Variants in NLGN1 observed in about 807,000 individuals in gnomAD.
NLGN1 encodes neuroligin 1, also known as neuroligin-1.
In NLGN1, 12 loss-of-function variants were observed where a neutral mutation model predicts 65.5. The observed-to-expected ratio is 0.18, with a 90% CI of 0.12 to 0.30. The LOEUF (loss-of-function observed/expected upper bound fraction) is 0.30, where lower values mean the gene tolerates loss of function less well. Ranked by LOEUF, NLGN1 falls within the 10% of genes least tolerant of loss-of-function variation. The pLI, the probability that NLGN1 is intolerant of heterozygous loss-of-function variation, is 1.00. For missense variants in NLGN1, 750 were observed against 1,007.1 expected (o/e 0.74, Z 3.46); for synonymous variants, 350 against 359.5 (o/e 0.97, Z 0.30).
At chr3:174,020,532 C>T (rs934024900) in intron 4 of NLGN1, among the ~76,000 whole-genome samples, 3 of 151,976 alleles carry the variant, frequency 2.0e-5, no homozygotes, top group African/African-American at 7.3e-5. Flanking sequence ...GTACTACTCT[C>T]CTTAAAAAGA....
chr3:173,727,718 A>G (rs2150037254), intron 3 of NLGN1, among the ~76,000 whole-genome samples: 1 of 152,294 alleles, frequency 6.6e-6, no homozygotes, highest in African/African-American at 2.4e-5. Context: ...GGAAGGAAAC[A>G]TTCTGGCTCC....
intron 4 of NLGN1, among the ~76,000 whole-genome samples, chr3:173,850,295 C>T (rs1166784039): frequency 6.6e-6 from 1 of 152,094 alleles, no homozygotes; most frequent in African/African-American, 2.4e-5. Context: ...AACAGGACAT[C>T]TCTTTATGGT....
intron 4 of NLGN1, among the ~76,000 whole-genome samples, chr3:174,168,912 A>G (rs1728034289): frequency 1.3e-5 from 2 of 152,168 alleles, no homozygotes; most frequent in Admixed American, 6.5e-5. Context: ...GGGGTGGTCT[A>G]AACTCCTAAT....
chr3:173,894,118 A>G (rs761690784), intron 4 of NLGN1, among the ~76,000 whole-genome samples: 3 of 152,134 alleles, frequency 2.0e-5, no homozygotes, highest in Non-Finnish European at 4.4e-5. Flanking sequence ...TGGGCTTGGT[A>G]TTGACTTCCA....
intron 3 of NLGN1, among the ~76,000 whole-genome samples, chr3:173,802,508 A>G (rs1311294002): frequency 6.6e-6 from 1 of 152,238 alleles, no homozygotes; most frequent in Non-Finnish European, 1.5e-5. Context: ...CTACAGGGGA[A>G]AAGAAACCTT....
At chr3:173,550,413 C>G (rs1740640566) in intron 2 of NLGN1, among the ~76,000 whole-genome samples, 1 of 151,954 alleles carries the variant, frequency 6.6e-6, no homozygotes, top group African/African-American at 2.4e-5. Flanking sequence ...CCAATCTTCA[C>G]AAAGAACTCA....
chr3:173,463,217 T>C (rs1316140398), intron 2 of NLGN1, among the ~76,000 whole-genome samples: 1 of 152,238 alleles, frequency 6.6e-6, no homozygotes, highest in Admixed American at 6.5e-5. Context: ...TTAACTATTC[T>C]GAATAATTCA....
At chr3:173,483,674 G>T (rs958378235) in intron 2 of NLGN1, among the ~76,000 whole-genome samples, 1 of 151,928 alleles carries the variant, frequency 6.6e-6, no homozygotes, top group African/African-American at 2.4e-5. Context: ...TCCACTTGGA[G>T]AAAAAAGATT....
intron 1 of NLGN1, among the ~76,000 whole-genome samples, chr3:173,427,829 T>C (rs1247182966): frequency 6.6e-6 from 1 of 151,644 alleles, no homozygotes; most frequent in Non-Finnish European, 1.5e-5. Context: ...TTAAGTCTTT[T>C]TGGTCTGGAA....
At chr3:173,678,513 G>A (rs55768757) in intron 3 of NLGN1, among the ~76,000 whole-genome samples, 21,091 of 151,974 alleles carry the variant, frequency 0.14, 1,900 homozygotes, top group South Asian at 0.22. Flanking sequence ...ATTAACAGGT[G>A]GAAAGAGGAT....
intron 3 of NLGN1, among the ~76,000 whole-genome samples, chr3:173,685,460 A>T (rs1764548319): frequency 6.6e-6 from 1 of 152,208 alleles, no homozygotes; most frequent in South Asian, 2.1e-4. Context: ...TGCTCCCATG[A>T]TTCCTACTTA....
intron 2 of NLGN1, among the ~76,000 whole-genome samples, chr3:173,463,300 G>T (rs1723712795): frequency 6.6e-6 from 1 of 152,126 alleles, no homozygotes; most frequent in South Asian, 2.1e-4. Flanking sequence ...TAAACAACCT[G>T]AAAACAAATC....
intron 4 of NLGN1, among the ~76,000 whole-genome samples, chr3:173,998,741 G>A (rs1353549658): frequency 6.6e-6 from 1 of 152,132 alleles, no homozygotes; most frequent in Non-Finnish European, 1.5e-5. Flanking sequence ...GTCACTCCCT[G>A]TTCTATGACT....
intron 1 of NLGN1, among the ~76,000 whole-genome samples, chr3:173,404,735 T>C (rs1252223725): frequency 4.6e-5 from 7 of 152,128 alleles, no homozygotes; most frequent in Non-Finnish European, 8.8e-5. Flanking sequence ...CACAAATCCA[T>C]TGTGAATTCA....
intron 3 of NLGN1, among the ~76,000 whole-genome samples, chr3:173,777,615 GTCTGTCTGTCTGTCTGTCTA>G (rs1321552582): frequency 3.4e-5 from 4 of 118,870 alleles, no homozygotes; most frequent in Non-Finnish European, 7.2e-5. Flanking sequence ...TATTCTGTCT[GTCTGTCTGTCTGTCTGTCTA>G]TCTATCTATC....
chr3:174,282,394 CTTT>C, exon 7 of NLGN1: 1 of 152,216 alleles, frequency 6.6e-6, no homozygotes, highest in East Asian at 2.0e-4. Context: ...GTTCTGAGTT[CTTT>C]GATTTACTCA....
At chr3:174,148,295 A>G (rs960255929) in intron 4 of NLGN1, among the ~76,000 whole-genome samples, 10 of 152,232 alleles carry the variant, frequency 6.6e-5, no homozygotes, top group Admixed American at 2.0e-4. Flanking sequence ...AGGGGACACA[A>G]TATGTCCTAG....
At chr3:174,046,321 C>T (rs527741813) in intron 4 of NLGN1, among the ~76,000 whole-genome samples, 1 of 151,702 alleles carries the variant, frequency 6.6e-6, no homozygotes, top group Non-Finnish European at 1.5e-5. Context: ...TAAGATATTC[C>T]TTCCTGCTTT....
intron 4 of NLGN1, among the ~76,000 whole-genome samples, chr3:174,192,466 T>G (rs891404165): frequency 6.6e-6 from 1 of 152,216 alleles, no homozygotes; most frequent in Non-Finnish European, 1.5e-5. Context: ...ATGTTATTAC[T>G]CATAAATTTT....
Sources: allele counts gnomAD v4.1 joint callset (sites outside exome capture counted in the v4.1 genomes callset), GRCh38; gene constraint gnomAD v4.1.1; transcripts MANE v1.5; gene names NCBI Gene and HGNC (gene_info 2026-07-23, HGNC 2026-07-21).